COL19A1: variants seen among roughly 807,000 people sequenced by gnomAD.
COL19A1 encodes the protein collagen type XIX alpha 1 chain.
In COL19A1, 159 loss-of-function variants were observed where a neutral mutation model predicts 190.2. The ratio of observed to expected loss-of-function variants is 0.84; its 90% CI spans 0.73 to 0.95. The LOEUF (loss-of-function observed/expected upper bound fraction) is 0.95, where lower values mean the gene tolerates loss of function less well. Ranked by LOEUF, COL19A1 falls within the 40% of genes least tolerant of loss-of-function variation. The pLI, the probability that COL19A1 is intolerant of heterozygous loss-of-function variation, is 0.00. For missense variants in COL19A1, 1,418 were observed against 1,431.9 expected (o/e 0.99, Z 0.16); for synonymous variants, 509 against 458.9 (o/e 1.11, Z -1.39).
At chr6:70,164,420 T>C (rs999147780) in intron 36 of COL19A1, among the ~76,000 whole-genome samples, 1 of 152,080 alleles carries the variant, frequency 6.6e-6, no homozygotes, top group East Asian at 1.9e-4. Flanking sequence ...GGACACAAGT[T>C]CCCTGACCAA....
intron 15 of COL19A1, among the ~76,000 whole-genome samples, chr6:70,088,664 T>G (rs1166347388): frequency 6.6e-6 from 1 of 151,834 alleles, no homozygotes; most frequent in African/African-American, 2.4e-5. Flanking sequence ...TAAATAGCCT[T>G]ATTTTTTTGT....
intron 11 of COL19A1, among the ~76,000 whole-genome samples, chr6:69,980,720 C>T (rs1775987054): frequency 6.6e-6 from 1 of 152,180 alleles, no homozygotes; most frequent in Non-Finnish European, 1.5e-5. Context: ...TGTGAATAGG[C>T]AGCTCGCTAA....
At chr6:70,147,998 A>G (rs957875923) in intron 27 of COL19A1, among the ~76,000 whole-genome samples, 1 of 152,176 alleles carries the variant, frequency 6.6e-6, no homozygotes, top group African/African-American at 2.4e-5. Flanking sequence ...AGAGATACAA[A>G]GGGAGAGGTC....
At chr6:70,115,726 A>G (rs571988864) in intron 16 of COL19A1, among the ~76,000 whole-genome samples, 2 of 152,146 alleles carry the variant, frequency 1.3e-5, no homozygotes, top group South Asian at 4.1e-4. Flanking sequence ...AGAATAATAT[A>G]AATACTCACT....
chr6:70,133,744 T>C (rs1362392875), intron 18 of COL19A1, among the ~76,000 whole-genome samples: 1 of 152,166 alleles, frequency 6.6e-6, no homozygotes, highest in Non-Finnish European at 1.5e-5. Context: ...TTTCAACTCA[T>C]CTCTACAGTG....
Position 69,914,592 on chromosome 6 carries a change from T to G in COL19A1, c.267-13317T>G, listed in dbSNP as rs555126817. Among the ~76,000 whole-genome samples, 95 of 152,322 alleles carry G rather than the reference T, an allele frequency of 6.2e-4. 3 individuals carry two copies. The South Asian group carries it at 0.015, about 24-fold the overall frequency. ...ATATTTAAAAATCGATTTTTTTCCA[T>G]TTAGCCATTTAATTTTATAAGCAAA... On this transcript the variant is annotated intron_variant, in intron 4 of 50. Transcript: ENST00000620364.
At chr6:70,190,249 A>G (rs576799559) in intron 47 of COL19A1, 66 bp from the exon 48 acceptor site, 4 of 1,253,248 alleles carry the variant, frequency 3.2e-6, no homozygotes, top group East Asian at 2.4e-5. Flanking sequence ...AGCCAACCCA[A>G]TATTTCTATT....
chr6:70,172,152 G>A, intron 41 of COL19A1, 135 bp downstream of exon 41: 1 of 663,788 alleles, frequency 1.5e-6, no homozygotes, highest in East Asian at 2.9e-5. Context: ...TGTACTCATG[G>A]GACTTACATT....
intron 11 of COL19A1, among the ~76,000 whole-genome samples, chr6:70,019,995 T>C (rs1030260186): frequency 2.0e-5 from 3 of 152,126 alleles, no homozygotes; most frequent in African/African-American, 4.8e-5. Flanking sequence ...CTTCCAGATA[T>C]AGAACTCCTA....
rs897719518 is a variant in COL19A1, at chr6:69,980,964, A to G, written c.1026+18094A>G. Among the ~76,000 whole-genome samples, 27 of 152,342 alleles carry G rather than the reference A, an allele frequency of 1.8e-4. No homozygotes were observed. The East Asian group carries it at 2.1e-3, about 12-fold the overall frequency. ...ATCTATTCAAAAATGAAAAAAATGC[A>G]TAATCTTTTTACCTAGAAATCACCT... On this transcript the variant is annotated intron_variant, in intron 11 of 50. Coordinates refer to ENST00000620364, the MANE Select transcript of COL19A1 (RefSeq NM_001858.6).
intron 42 of COL19A1, among the ~76,000 whole-genome samples, chr6:70,178,567 G>T (rs1026593999): frequency 6.6e-6 from 1 of 152,162 alleles, no homozygotes; most frequent in African/African-American, 2.4e-5. Flanking sequence ...ATGACAGTGT[G>T]AATGCACTTA....
At chr6:69,996,205 C>T (rs986761523) in intron 11 of COL19A1, among the ~76,000 whole-genome samples, 1 of 152,078 alleles carries the variant, frequency 6.6e-6, no homozygotes, top group African/African-American at 2.4e-5. Context: ...GAGTTATTTG[C>T]TTCTATCTGT....
At chr6:69,914,384 T>TA (rs1771158853) in intron 4 of COL19A1, among the ~76,000 whole-genome samples, 1 of 152,156 alleles carries the variant, frequency 6.6e-6, no homozygotes, top group Non-Finnish European at 1.5e-5. Flanking sequence ...AGAAATGACT[T>TA]ACTATAAACT....
intron 4 of COL19A1, among the ~76,000 whole-genome samples, chr6:69,910,713 T>A (rs1385797115): frequency 6.6e-6 from 1 of 152,172 alleles, no homozygotes; most frequent in African/African-American, 2.4e-5. Context: ...CATTCTTTTA[T>A]CCTATGAATC....
chr6:69,900,219 T>C lies in COL19A1; in HGVS notation c.167-20T>C. The C allele has an allele frequency of 7.0e-7, 1 of 1,424,646 alleles. No individual in the cohort carries two copies. The highest frequency in any genetic ancestry group is 1.4e-5 in the African/African-American group (1 of 69,810). 88.3% of individuals were successfully genotyped at this position (1,424,646 alleles called of 1,614,324 possible). ...ATTTCTATTAGTTTATTAAATTGAA[T>C]CATCTGTTACATTTTACAGGTTTTG... is the stretch of plus-strand genomic sequence containing the variant. On this transcript the variant is annotated intron_variant, in intron 3 of 50. Transcript: ENST00000620364.
At chr6:70,167,920 A>G (rs918393174) in intron 37 of COL19A1, 105 bp from the exon 38 acceptor site, 32 of 806,554 alleles carry the variant, frequency 4.0e-5, no homozygotes, top group Non-Finnish European at 7.7e-6. Flanking sequence ...AATAGAAAAA[A>G]GTAAAAAATA....
intron 4 of COL19A1, among the ~76,000 whole-genome samples, chr6:69,912,843 T>C (rs1771043755): frequency 6.6e-6 from 1 of 152,144 alleles, no homozygotes. Context: ...ATCCTAGCAC[T>C]TTGGGAGGCC....
chr6:69,975,276 T>C (rs1457359964), intron 11 of COL19A1, among the ~76,000 whole-genome samples: 9 of 152,226 alleles, frequency 5.9e-5, no homozygotes, highest in Admixed American at 5.2e-4. Context: ...TTATAACTCA[T>C]CAGTGTACTG....
chr6:70,187,415 G>T (rs34147000), intron 46 of COL19A1, among the ~76,000 whole-genome samples: 18,707 of 95,720 alleles, frequency 0.2, 1,281 homozygotes, highest in Middle Eastern at 0.3. Context: ...ACAGGGGAAA[G>T]CCAGGGGTGG....
Sources: allele counts gnomAD v4.1 joint callset (sites outside exome capture counted in the v4.1 genomes callset), GRCh38; gene constraint gnomAD v4.1.1; transcripts MANE v1.5; gene names NCBI Gene and HGNC (gene_info 2026-07-23, HGNC 2026-07-21).